SCUBE2: variants seen among roughly 807,000 people sequenced by gnomAD.
The protein encoded by SCUBE2 is signal peptide, CUB and EGF-like domain-containing protein 2.
A neutral mutation model predicts 125.9 loss-of-function variants in SCUBE2; 114 were observed. That is an observed-to-expected ratio of 0.91 (90% confidence interval 0.78 to 1.06). The LOEUF (loss-of-function observed/expected upper bound fraction) is 1.06. SCUBE2 is among the 50% of genes least tolerant of loss of function. SCUBE2 has a pLI of 0.00. For synonymous variants in SCUBE2, 459 were observed against 492.9 expected, an observed-to-expected ratio of 0.93 and a Z score of 0.91; for missense variants, 1,255 against 1,301.8, an observed-to-expected ratio of 0.96 and a Z score of 0.55.
chr11:9,054,716 TA>T (rs2135495345), intron 10 of SCUBE2, among the ~76,000 whole-genome samples: 7 of 79,814 alleles, frequency 8.8e-5, no homozygotes, highest in South Asian at 5.2e-4. Flanking sequence ...TATATATATA[TA>T]TATATATATT....
chr11:9,077,022 C>T (rs376683385), intron 3 of SCUBE2, among the ~76,000 whole-genome samples: 3 of 152,326 alleles, frequency 2.0e-5, no homozygotes, highest in Admixed American at 6.5e-5. Context: ...CCCCACCCCA[C>T]GTTTAACCCC....
intron 10 of SCUBE2, among the ~76,000 whole-genome samples, chr11:9,054,725 A>ATATATATATATACATTT (rs1368153935): frequency 4.5e-5 from 1 of 22,344 alleles, no homozygotes; most frequent in Non-Finnish European, 7.1e-5. Flanking sequence ...ATATATATAT[A>ATATATATATATACATTT]TTTTTTTTTT....
chr11:9,072,279 G>A (rs1002297451), intron 4 of SCUBE2, among the ~76,000 whole-genome samples: 7 of 152,132 alleles, frequency 4.6e-5, no homozygotes, highest in African/African-American at 1.7e-4. Context: ...CACGATGTCA[G>A]CTCACTGCAA....
At chr11:9,022,298 T>C (rs545439589) in intron 21 of SCUBE2, among the ~76,000 whole-genome samples, 1 of 152,302 alleles carries the variant, frequency 6.6e-6, no homozygotes, top group Admixed American at 6.5e-5. Flanking sequence ...TCCTACATGA[T>C]ACATTTTTCT....
chr11:9,075,630 A>C (rs1861156072), intron 3 of SCUBE2, among the ~76,000 whole-genome samples: 2 of 152,188 alleles, frequency 1.3e-5, no homozygotes, highest in Non-Finnish European at 2.9e-5. Context: ...GAACCACTAG[A>C]GTAGGGGAGA....
In SCUBE2 at chr11:9,091,255, C is replaced by T. The variant is rs995288028; in HGVS notation, c.133+141G>A. The T allele has an allele frequency of 3.7e-6, 2 of 536,434 alleles. No homozygotes were observed. The highest frequency in any genetic ancestry group is 5.4e-6 in the Non-Finnish European group (2 of 367,750). The allele number at this position is 536,434 out of a possible 1,614,324, so 33.2% of individuals were successfully genotyped here. A position where few individuals can be genotyped will look rare whatever the true frequency, so the allele number is the denominator to read the frequency against. ...TTGGCCCGGCCGGCGGGTGAGGTCC[C>T]GGGGGGAGCAGAGGCCCCCGCGGAG... On this transcript the variant is annotated intron_variant, in intron 1 of 22. Coordinates refer to ENST00000649792, the MANE Select transcript of SCUBE2 (RefSeq NM_001367977.2). This position sits in a 1 kb window ranked among gnomAD's most constrained non-coding sequence, Gnocchi z 8.5.
chr11:9,041,618 G>C (rs139497485), intron 16 of SCUBE2, among the ~76,000 whole-genome samples: 52 of 152,352 alleles, frequency 3.4e-4, no homozygotes, highest in Admixed American at 3.9e-4. Flanking sequence ...CGGCATCACA[G>C]AGGTGGTTAG....
chr11:9,057,242 C>T (rs1354004456), intron 9 of SCUBE2: 1 of 152,294 alleles, frequency 6.6e-6, no homozygotes, highest in East Asian at 1.9e-4. Flanking sequence ...TACACAGCTT[C>T]AACAGTATTG....
chr11:9,041,929 G>A (rs1376475332), intron 16 of SCUBE2, among the ~76,000 whole-genome samples: 2 of 152,124 alleles, frequency 1.3e-5, no homozygotes, highest in East Asian at 3.9e-4. Context: ...TTAAGAAGCT[G>A]AGAGAGAACA....
intron 21 of SCUBE2, among the ~76,000 whole-genome samples, chr11:9,024,772 C>T (rs1035147880): frequency 1.3e-5 from 2 of 152,230 alleles, no homozygotes; most frequent in East Asian, 3.8e-4. Flanking sequence ...AGACCCACAT[C>T]TCTCAAGACT....
chr11:9,060,657 C>T (rs1011737957), intron 7 of SCUBE2, 133 bp from the exon 8 acceptor site: 18 of 685,322 alleles, frequency 2.6e-5, no homozygotes, highest in Non-Finnish European at 7.7e-6. Flanking sequence ...TGCAGATGGG[C>T]TAGAGGGAGA....
At chr11:9,045,462 T>C (rs1429552345) in intron 16 of SCUBE2, among the ~76,000 whole-genome samples, 1 of 152,072 alleles carries the variant, frequency 6.6e-6, no homozygotes, top group African/African-American at 2.4e-5. Flanking sequence ...TTGAGCTCTT[T>C]TCTGCAAATA....
intron 17 of SCUBE2, among the ~76,000 whole-genome samples, chr11:9,033,159 TAA>T (rs1856461191): frequency 6.6e-6 from 1 of 152,188 alleles, no homozygotes; most frequent in African/African-American, 2.4e-5. Flanking sequence ...TAACATTTTA[TAA>T]GAGATAATGA....
intron 9 of SCUBE2, among the ~76,000 whole-genome samples, chr11:9,057,793 A>C (rs534681956): frequency 6.6e-6 from 1 of 152,166 alleles, no homozygotes; most frequent in East Asian, 1.9e-4. Context: ...TCAGCCTCCC[A>C]AAGTGCTGAG....
rs1164055751 is a variant in SCUBE2, at chr11:9,030,063, G to A, written c.2342-18C>T. 2 of 1,599,652 alleles carry A rather than the reference G, an allele frequency of 1.3e-6. No individual in the cohort carries two copies. The highest frequency in any genetic ancestry group is 1.7e-6 in the Non-Finnish European group (2 of 1,171,268). On this transcript the variant is annotated intron_variant, in intron 18 of 22. Coordinates refer to ENST00000649792, the MANE Select transcript of SCUBE2 (RefSeq NM_001367977.2). ...ACATTGAACTGTGGGTCAAGGGAGGGTGAAAAGAATGAAAAAAAGAAAGAT... is the reference window on the plus strand; with the variant it reads ...ACATTGAACTGTGGGTCAAGGGAGGATGAAAAGAATGAAAAAAAGAAAGAT...
At position 9,089,757 on chromosome 11, in the gene SCUBE2, T is replaced by C; in HGVS notation, c.206A>G (p.Tyr69Cys). The C allele has an allele frequency of 3.7e-6, 6 of 1,613,970 alleles. No individual in the cohort carries two copies. The highest frequency in any genetic ancestry group is 5.1e-6 in the Non-Finnish European group (6 of 1,179,920). ...GTAGCCAGGCTTGCAGGAGCACTTG[T>C]AGGAGGTGGGTGTGTTCTGACACAG... ...DALCQNTPTS[Y>C]KCSCKPGYQG... The change falls in exon 2 of 23, where the codon TAC becomes TGC. Residue 69 changes from tyrosine (Y) to cysteine (C), a missense_variant. Physicochemically the swap from Tyr to Cys is radical, Grantham distance 194 (BLOSUM62 -2). This residue lies in a region of SCUBE2 where 362 missense variants were observed against 323.0 expected (regional missense o/e 1.12). Coordinates refer to ENST00000649792, the MANE Select transcript of SCUBE2 (RefSeq NM_001367977.2).
chr11:9,085,276 G>A (rs1861956906), intron 2 of SCUBE2, among the ~76,000 whole-genome samples: 1 of 152,172 alleles, frequency 6.6e-6, no homozygotes, highest in Non-Finnish European at 1.5e-5. Flanking sequence ...TTGTGCCAGT[G>A]TTGATTTCCT....
intron 17 of SCUBE2, among the ~76,000 whole-genome samples, chr11:9,032,658 A>T (rs1309660273): frequency 6.6e-6 from 1 of 152,148 alleles, no homozygotes; most frequent in African/African-American, 2.4e-5. Flanking sequence ...ACTTGAACCC[A>T]GGAGGTGGAG....
intron 14 of SCUBE2, chr11:9,050,394 G>T (rs780421811): frequency 3.7e-6 from 2 of 538,362 alleles, no homozygotes; most frequent in African/African-American, 3.8e-5. Flanking sequence ...AGGAAGCCCC[G>T]AAGTGTGACC....
Sources: gnomAD v4.1 joint callset for allele counts (sites outside exome capture counted in the v4.1 genomes callset) on GRCh38, gnomAD v4.1.1 for gene constraint, gnomAD v4.1.1 regional missense constraint, Gnocchi (gnomAD v3.1) non-coding constraint, MANE v1.5 for transcripts, NCBI Gene and HGNC (gene_info 2026-07-23, HGNC 2026-07-21) for gene names.